ACER2: variants seen among roughly 807,000 people sequenced by gnomAD.
ACER2 encodes alkCDase 2.
Under a neutral mutation model 34.7 loss-of-function variants are expected in ACER2, and 26 were observed. The observed-to-expected ratio is 0.75, with a 90% CI of 0.55 to 1.04. The LOEUF (loss-of-function observed/expected upper bound fraction) is 1.04. Among genes scored for constraint, ACER2 ranks in the 50% least tolerant of loss-of-function variants. ACER2 has a pLI of 0.00. For synonymous variants in ACER2, 138 were observed against 132.1 expected (o/e 1.04, Z -0.31); for missense variants, 352 against 340.8 (o/e 1.03, Z -0.26).
At chr9:19,422,996 A>C (rs1380328096) in intron 1 of ACER2, among the ~76,000 whole-genome samples, 2 of 151,026 alleles carry the variant, frequency 1.3e-5, no homozygotes, top group African/African-American at 4.9e-5. Flanking sequence ...TGCACCAAAG[A>C]ACTCCAGCCT....
At chr9:19,446,720 G>A in intron 5 of ACER2, 2 of 807,584 alleles carry the variant, frequency 2.5e-6, no homozygotes, top group Non-Finnish European at 3.0e-6. Context: ...CCTGTAACCT[G>A]AGCTCTAGCT....
At chr9:19,421,735 T>C (rs1323611600) in intron 1 of ACER2, among the ~76,000 whole-genome samples, 1 of 152,174 alleles carries the variant, frequency 6.6e-6, no homozygotes, top group Non-Finnish European at 1.5e-5. Flanking sequence ...TTAAAATGGT[T>C]AGTTTTATGG....
chr9:19,433,787 A>AC lies in ACER2; in HGVS notation c.366-1153dup, dbSNP rs1257922828. On this transcript the variant is annotated intron_variant, in intron 3 of 5. Transcript: ENST00000340967. The stretch of plus-strand genomic sequence containing the variant: ...GGGCGGCTGGCCGGGCGGGGGGCTG[A>AC]CCCCCCCACCTCCTTCCCGGACGGG... Among the ~76,000 whole-genome samples, 119 of 147,082 alleles carry AC rather than the reference A, an allele frequency of 8.1e-4. 1 individual carries two copies. The highest frequency in any genetic ancestry group is 2.9e-3 in the Admixed American group (43 of 14,752).
chr9:19,441,360 A>T (rs1204805537), intron 4 of ACER2, among the ~76,000 whole-genome samples: 1 of 151,866 alleles, frequency 6.6e-6, no homozygotes, highest in Non-Finnish European at 1.5e-5. Context: ...GAGCACAGTC[A>T]TTTTTCTACC....
At chr9:19,429,038 T>G (rs1479456427) in intron 3 of ACER2, among the ~76,000 whole-genome samples, 1 of 151,944 alleles carries the variant, frequency 6.6e-6, no homozygotes, top group African/African-American at 2.4e-5. Flanking sequence ...TCCGCTCGCC[T>G]CGGCCTCCCA....
chr9:19,412,712 T>G (rs1358606137), intron 1 of ACER2, among the ~76,000 whole-genome samples: 1 of 151,942 alleles, frequency 6.6e-6, no homozygotes. Flanking sequence ...ACTTGAAGTT[T>G]TTTTCCAAGA....
At chr9:19,423,708 C>G (rs1830476934) in intron 1 of ACER2, among the ~76,000 whole-genome samples, 154 bp from the exon 2 acceptor site, 1 of 151,934 alleles carries the variant, frequency 6.6e-6, no homozygotes, top group East Asian at 1.9e-4. Context: ...GACTCCATCT[C>G]AAAGAGAAAA....
At chr9:19,439,199 T>G (rs1831064938) in intron 4 of ACER2, among the ~76,000 whole-genome samples, 1 of 152,234 alleles carries the variant, frequency 6.6e-6, no homozygotes, top group South Asian at 2.1e-4. Context: ...CATCATCACA[T>G]TAACAAGTGG....
At chr9:19,433,462 G>A (rs1286047554) in intron 3 of ACER2, among the ~76,000 whole-genome samples, 1 of 151,962 alleles carries the variant, frequency 6.6e-6, no homozygotes, top group African/African-American at 2.4e-5. Context: ...AGAGAGCACA[G>A]GGTTGGGGGT....
At chr9:19,409,820 C>T (rs138888622) in intron 1 of ACER2, 10 of 985,230 alleles carry the variant, frequency 1.0e-5, no homozygotes, top group Admixed American at 6.2e-5. Flanking sequence ...CAGGACTGTG[C>T]TTTCTCCAGT....
intron 1 of ACER2, among the ~76,000 whole-genome samples, chr9:19,410,667 G>A (rs1276579516): frequency 1.3e-5 from 2 of 152,124 alleles, no homozygotes; most frequent in African/African-American, 4.8e-5. Flanking sequence ...CTGAGATCGC[G>A]CCACTCCACT....
At chr9:19,427,556 C>G (rs772946617) in intron 3 of ACER2, among the ~76,000 whole-genome samples, 2 of 152,104 alleles carry the variant, frequency 1.3e-5, no homozygotes, top group Admixed American at 6.6e-5. Context: ...CAGGGATTTC[C>G]GGTTTTTCTG....
chr9:19,436,970 C>T (rs1334180352), intron 4 of ACER2, among the ~76,000 whole-genome samples: 1 of 152,210 alleles, frequency 6.6e-6, no homozygotes, highest in Non-Finnish European at 1.5e-5. Flanking sequence ...CTTTTGGCTT[C>T]TCTGATCCTG....
intron 4 of ACER2, among the ~76,000 whole-genome samples, chr9:19,445,324 G>A (rs1831320244): frequency 6.6e-6 from 1 of 152,232 alleles, no homozygotes; most frequent in Admixed American, 6.5e-5. Flanking sequence ...CATGTTGAGT[G>A]CCTTCTGTGT....
intron 1 of ACER2, among the ~76,000 whole-genome samples, chr9:19,411,101 G>T (rs377720395): frequency 6.6e-6 from 1 of 152,206 alleles, no homozygotes; most frequent in African/African-American, 2.4e-5. Context: ...GGATGAAAGG[G>T]AGAGTTTGTC....
At position 19,429,795 on chromosome 9, in the gene ACER2, T is replaced by C. The variant is rs148728874; in HGVS notation, c.365+4954T>C. Among the ~76,000 whole-genome samples, 657 of 152,268 alleles carry C rather than the reference T, an allele frequency of 4.3e-3. 4 individuals are homozygous for C. Among genetic ancestry groups the C allele is most frequent in the African/African-American group, 0.015 (633 of 41,554 alleles). Reference sequence around the variant, plus strand: ...ATGAGTTGAGGCTGGAATCTTAAACTCTCTGGGCCTTAGTGCTTTAGTTAT... The same window carrying C: ...ATGAGTTGAGGCTGGAATCTTAAACCCTCTGGGCCTTAGTGCTTTAGTTAT... On this transcript the variant is annotated intron_variant, in intron 3 of 5. Coordinates refer to ENST00000340967, the MANE Select transcript of ACER2 (RefSeq NM_001010887.3).
chr9:19,429,350 G>A (rs1830680415), intron 3 of ACER2, among the ~76,000 whole-genome samples: 1 of 151,902 alleles, frequency 6.6e-6, no homozygotes, highest in Admixed American at 6.6e-5. Flanking sequence ...TTGTTTTTTG[G>A]AGACAGGATC....
chr9:19,444,539 T>C (rs1831282956), intron 4 of ACER2, among the ~76,000 whole-genome samples: 2 of 152,196 alleles, frequency 1.3e-5, no homozygotes, highest in Non-Finnish European at 2.9e-5. Context: ...TAAGAAAGTT[T>C]ACAAATTTGT....
chr9:19,410,381 T>G lies in ACER2; in HGVS notation c.108+1189T>G, dbSNP rs77973235. ...CCATGGCTGGCTTCCACACAAACAC[T>G]CCTGCTCCTTTTTTTATGATTAGGT... On this transcript the variant is annotated intron_variant, in intron 1 of 5. Coordinates refer to ENST00000340967, the MANE Select transcript of ACER2 (RefSeq NM_001010887.3). Among the ~76,000 whole-genome samples, 651 of 152,142 alleles carry G rather than the reference T, an allele frequency of 4.3e-3. 5 individuals carry two copies. Among genetic ancestry groups the G allele is most frequent in the African/African-American group, 0.015 (627 of 41,486 alleles).
Sources: allele counts gnomAD v4.1 joint callset (sites outside exome capture counted in the v4.1 genomes callset), GRCh38; gene constraint gnomAD v4.1.1; transcripts MANE v1.5; gene names NCBI Gene and HGNC (gene_info 2026-07-23, HGNC 2026-07-21).